DAB1: variants seen among roughly 807,000 people sequenced by gnomAD.
DAB1 encodes the protein disabled homolog 1.
In DAB1, 15 loss-of-function variants were observed where a neutral mutation model predicts 64.6. The observed-to-expected ratio is 0.23, with a 90% CI of 0.16 to 0.36. The LOEUF (loss-of-function observed/expected upper bound fraction) is 0.36. Among genes scored for constraint, DAB1 ranks in the 10% least tolerant of loss-of-function variants. The pLI, the probability that DAB1 is intolerant of heterozygous loss-of-function variation, is 1.00. For missense variants in DAB1, 596 were observed against 706.7 expected (o/e 0.84, Z 1.78); for synonymous variants, 235 against 251.9 (o/e 0.93, Z 0.64).
At chr1:58,225,229 C>T (rs1269165917) in intron 4 of DAB1, among the ~76,000 whole-genome samples, 1 of 151,904 alleles carries the variant, frequency 6.6e-6, no homozygotes, top group Non-Finnish European at 1.5e-5. Context: ...CATCACTGGC[C>T]ATCAGAGAAA....
chr1:57,220,092 A>G (rs548868309), intron 2 of DAB1, among the ~76,000 whole-genome samples: 1 of 152,326 alleles, frequency 6.6e-6, no homozygotes, highest in East Asian at 1.9e-4. Context: ...TCCAGGGTGA[A>G]CTGTACTGGC....
rs190944873 is a variant in DAB1, at chr1:57,200,995, G to C, written c.68-55566C>G. On this transcript the variant is annotated intron_variant, in intron 2 of 14. Coordinates refer to ENST00000371236, the MANE Select transcript of DAB1 (RefSeq NM_001365792.1). The stretch of plus-strand genomic sequence containing the variant: ...TTGTTGAAGGAATAAATGCAGATGA[G>C]AGAATTGAGGCAGCATTCACTGTGA... 6.2e-4 allele frequency among the ~76,000 whole-genome samples: 95 copies of C among 152,314 alleles called. 1 individual carries two copies. The highest frequency in any genetic ancestry group is 2.2e-3 in the African/African-American group (93 of 41,562).
chr1:57,816,927 G>A (rs1319384012), intron 6 of DAB1, among the ~76,000 whole-genome samples: 1 of 152,166 alleles, frequency 6.6e-6, no homozygotes, highest in Non-Finnish European at 1.5e-5. Flanking sequence ...ATGTCCTTGT[G>A]CAATGGCATG....
At chr1:57,801,971 G>A (rs1651149158) in intron 6 of DAB1, among the ~76,000 whole-genome samples, 1 of 152,174 alleles carries the variant, frequency 6.6e-6, no homozygotes, top group Non-Finnish European at 1.5e-5. Flanking sequence ...TATTATAAGA[G>A]TATTTCACAC....
At chr1:57,275,171 T>C (rs948464992) in intron 2 of DAB1, among the ~76,000 whole-genome samples, 9 of 152,080 alleles carry the variant, frequency 5.9e-5, no homozygotes, top group African/African-American at 1.9e-4. Context: ...TATAAAACTA[T>C]ATACTCACAA....
chr1:57,258,745 A>T (rs1430304388), intron 2 of DAB1, among the ~76,000 whole-genome samples: 1 of 152,144 alleles, frequency 6.6e-6, no homozygotes, highest in Admixed American at 6.5e-5. Context: ...TTCTAAAATC[A>T]TCTGTGAACC....
intron 3 of DAB1, among the ~76,000 whole-genome samples, chr1:58,345,362 C>A (rs1643984000): frequency 6.6e-6 from 1 of 152,172 alleles, no homozygotes; most frequent in South Asian, 2.1e-4. Context: ...GAGAGCCACA[C>A]AAGGAAGTTT....
intron 4 of DAB1, among the ~76,000 whole-genome samples, chr1:57,089,516 G>GA (rs1244996595): frequency 1.3e-5 from 2 of 152,056 alleles, no homozygotes; most frequent in African/African-American, 4.8e-5. Context: ...GGCGGAAGGT[G>GA]AAGCAGGACC....
chr1:57,955,584 A>T (rs1645373462), intron 5 of DAB1, among the ~76,000 whole-genome samples: 1 of 152,202 alleles, frequency 6.6e-6, no homozygotes. Context: ...AGAAAAGTGT[A>T]GAAGTTGGAA....
chr1:57,197,569 A>C (rs1664733965), intron 2 of DAB1, among the ~76,000 whole-genome samples: 2 of 152,226 alleles, frequency 1.3e-5, no homozygotes, highest in Non-Finnish European at 2.9e-5. Flanking sequence ...AAGCTTTGAA[A>C]TATTAAGTAA....
chr1:57,057,096 T>C (rs1353603784), intron 9 of DAB1, among the ~76,000 whole-genome samples: 1 of 152,020 alleles, frequency 6.6e-6, no homozygotes, highest in East Asian at 1.9e-4. Flanking sequence ...AGTGAAAAGA[T>C]TCAAGGGATG....
intron 6 of DAB1, among the ~76,000 whole-genome samples, chr1:57,754,362 G>A (rs1648693597): frequency 6.6e-6 from 1 of 152,086 alleles, no homozygotes; most frequent in African/African-American, 2.4e-5. Context: ...TTCCAATTAG[G>A]TTTTATTTAA....
intron 5 of DAB1, chr1:58,056,622 TC>T (rs899706033): frequency 3.0e-6 from 2 of 658,872 alleles, no homozygotes; most frequent in African/African-American, 3.6e-5. Context: ...CTGTCTTCTG[TC>T]TGATCCTCCA....
intron 2 of DAB1, among the ~76,000 whole-genome samples, chr1:58,507,962 T>A (rs959182145): frequency 8.5e-5 from 13 of 152,310 alleles, no homozygotes; most frequent in African/African-American, 2.9e-4. Context: ...TTATCTAACA[T>A]GAAGTTTGTC....
chr1:57,386,366 GAAAAAAAAA>G (rs5774342), intron 1 of DAB1, among the ~76,000 whole-genome samples: 3 of 113,444 alleles, frequency 2.6e-5, no homozygotes, highest in Non-Finnish European at 5.5e-5. Flanking sequence ...GGCCCCTTGG[GAAAAAAAAA>G]AAAAAAAAAA....
At chr1:57,692,164 C>T (rs1349313711) in intron 6 of DAB1, among the ~76,000 whole-genome samples, 2 of 152,130 alleles carry the variant, frequency 1.3e-5, no homozygotes, top group African/African-American at 2.4e-5. Context: ...CCCATCTATC[C>T]TTTCTATCCT....
chr1:58,029,884 AAAAT>A (rs999178295), intron 5 of DAB1, among the ~76,000 whole-genome samples: 4 of 152,314 alleles, frequency 2.6e-5, no homozygotes, highest in East Asian at 1.9e-4. Context: ...TCTTAGTAAA[AAAAT>A]AAATAAATAA....
At chr1:58,533,990 A>C (rs1306725561) in intron 1 of DAB1, 1 of 871,688 alleles carries the variant, frequency 1.1e-6, no homozygotes. Flanking sequence ...TTCATGGCCC[A>C]GAAGGAAAGA....
At chr1:57,270,059 C>T (rs1378845384) in intron 2 of DAB1, among the ~76,000 whole-genome samples, 2 of 152,120 alleles carry the variant, frequency 1.3e-5, no homozygotes, top group Non-Finnish European at 2.9e-5. Flanking sequence ...AAGGAGAGCC[C>T]GAGCACTGGA....
Sources: gnomAD v4.1 joint callset for allele counts (sites outside exome capture counted in the v4.1 genomes callset) on GRCh38, gnomAD v4.1.1 for gene constraint, MANE v1.5 for transcripts, NCBI Gene and HGNC (gene_info 2026-07-23, HGNC 2026-07-21) for gene names.